The following SYNPR variants were observed in gnomAD, a reference collection of about 807,000 sequenced individuals.
SYNPR encodes synaptoporin.
A neutral mutation model predicts 32.9 loss-of-function variants in SYNPR; 23 were observed. The observed-to-expected ratio is 0.70, with a 90% CI of 0.50 to 0.99. The LOEUF (loss-of-function observed/expected upper bound fraction) is 0.99. Ranked by LOEUF, SYNPR falls within the 50% of genes least tolerant of loss-of-function variation. The pLI is 0.00. For synonymous variants in SYNPR, 146 were observed against 135.9 expected, an observed-to-expected ratio of 1.07 and a Z score of -0.52; for missense variants, 318 against 349.3, an observed-to-expected ratio of 0.91 and a Z score of 0.71.
chr3:63,302,119 A>G (rs1005211971), intron 2 of SYNPR, among the ~76,000 whole-genome samples: 1 of 152,002 alleles, frequency 6.6e-6, no homozygotes, highest in Non-Finnish European at 1.5e-5. Context: ...CCCAGTTGAA[A>G]TTTTACCCCA....
chr3:63,463,757 T>A (rs777284845), intron 2 of SYNPR, among the ~76,000 whole-genome samples: 4 of 152,104 alleles, frequency 2.6e-5, no homozygotes, highest in Non-Finnish European at 1.5e-5. Flanking sequence ...CCACAGATAC[T>A]CCTCATCTCC....
At chr3:63,534,963 G>C (rs1337556550) in intron 3 of SYNPR, among the ~76,000 whole-genome samples, 2 of 152,030 alleles carry the variant, frequency 1.3e-5, no homozygotes, top group Non-Finnish European at 2.9e-5. Context: ...TTGCCACATT[G>C]GGTATCAAAT....
At chr3:63,591,640 G>C (rs1433396501) in intron 4 of SYNPR, among the ~76,000 whole-genome samples, 2 of 138,060 alleles carry the variant, frequency 1.4e-5, no homozygotes, top group Non-Finnish European at 3.1e-5. Context: ...AAAATGATGA[G>C]TTCATGTCCT....
intron 3 of SYNPR, among the ~76,000 whole-genome samples, chr3:63,482,444 C>T (rs1701067426): frequency 6.6e-6 from 1 of 152,110 alleles, no homozygotes; most frequent in Non-Finnish European, 1.5e-5. Context: ...AAAGTTGGAG[C>T]AGGAGAAGAA....
chr3:63,296,423 T>C (rs899953510), intron 2 of SYNPR, among the ~76,000 whole-genome samples: 3 of 152,170 alleles, frequency 2.0e-5, no homozygotes, highest in African/African-American at 7.2e-5. Flanking sequence ...TGTTTGCATC[T>C]TCAAGGACCT....
At chr3:63,506,048 C>T (rs971293800) in intron 3 of SYNPR, among the ~76,000 whole-genome samples, 1 of 151,702 alleles carries the variant, frequency 6.6e-6, no homozygotes, top group African/African-American at 2.4e-5. Context: ...TACTCCTCCA[C>T]ACTTTGTTGT....
chr3:63,556,069 C>T (rs1302073488), intron 3 of SYNPR, among the ~76,000 whole-genome samples: 2 of 152,166 alleles, frequency 1.3e-5, no homozygotes, highest in East Asian at 3.8e-4. Flanking sequence ...CAGTCAACAA[C>T]AAGACCTGGA....
intron 3 of SYNPR, among the ~76,000 whole-genome samples, chr3:63,542,701 C>A (rs1256119921): frequency 6.6e-6 from 1 of 152,086 alleles, no homozygotes; most frequent in Non-Finnish European, 1.5e-5. Flanking sequence ...TCAGTACTCA[C>A]TGAGGACAGA....
chr3:63,506,284 T>C lies in SYNPR; in HGVS notation c.209+25328T>C, dbSNP rs187418198. On this transcript the variant is annotated intron_variant, in intron 3 of 5. Coordinates refer to ENST00000478300, the MANE Select transcript of SYNPR (RefSeq NM_001130003.2). ...AGTGGGAAAGGCCTAAGGTGACTGA[T>C]GGAGTACATATGCTTCTTTCCAAAT... Among the ~76,000 whole-genome samples, 194 of 152,318 alleles carry C rather than the reference T, an allele frequency of 1.3e-3. 1 individual carries two copies. Among genetic ancestry groups the C allele is most frequent in the African/African-American group, 4.1e-3 (172 of 41,564 alleles).
chr3:63,356,129 ACTTTAAATTTT>A (rs1270446889), intron 2 of SYNPR, among the ~76,000 whole-genome samples: 1 of 152,018 alleles, frequency 6.6e-6, no homozygotes, highest in Non-Finnish European at 1.5e-5. Context: ...TACTACTTAT[ACTTTAAATTTT>A]TTTTCACTGT....
chr3:63,556,578 A>G lies in SYNPR; in HGVS notation c.245A>G (p.Glu82Gly). The G allele has an allele frequency of 6.2e-7, 1 of 1,613,598 alleles. No homozygotes were observed. Among genetic ancestry groups the G allele is most frequent in the African/African-American group, 1.3e-5 (1 of 75,024 alleles). ...GTGACGTTTGAGGTGCCCACCTGCG[A>G]GGGAAAGGAACGGCAGAAGCTGGCA... is the stretch of plus-strand genomic sequence containing the variant. Reference protein sequence around the residue: ...HQVTFEVPTCEGKERQKLALI... With the variant: ...HQVTFEVPTCGGKERQKLALI... The change falls in exon 4 of 6, where the codon GAG becomes GGG. Residue 82 changes from glutamate (E) to glycine (G), a missense_variant. Coordinates refer to ENST00000478300, the MANE Select transcript of SYNPR (RefSeq NM_001130003.2).
chr3:63,445,673 C>T (rs1700264453), intron 2 of SYNPR: 1 of 551,302 alleles, frequency 1.8e-6, no homozygotes, highest in Non-Finnish European at 3.3e-6. Context: ...ATAACATTAC[C>T]TCTCCATTTT....
chr3:63,397,480 T>C (rs2088231436), intron 2 of SYNPR, among the ~76,000 whole-genome samples: 1 of 152,208 alleles, frequency 6.6e-6, no homozygotes, highest in Admixed American at 6.5e-5. Context: ...TTTTTCTCCC[T>C]AATTCCTCCT....
chr3:63,335,412 A>C (rs1342062458), intron 2 of SYNPR, among the ~76,000 whole-genome samples: 2 of 151,962 alleles, frequency 1.3e-5, no homozygotes, highest in African/African-American at 4.8e-5. Flanking sequence ...CAATAATATA[A>C]GTGTTGGGTT....
rs376594157 is a variant in SYNPR at position 63,287,535 on chromosome 3, G to A, written c.84+8793G>A. 4.5e-4 allele frequency among the ~76,000 whole-genome samples: 68 copies of A among 152,220 alleles called. 2 individuals are homozygous for A. The highest frequency in any genetic ancestry group is 1.5e-3 in the African/African-American group (63 of 41,532). ...GATCTTGTTGGTCCTGCTCATCAGC[G>A]CATTTTATGTTTCTAACACAGTGCT... On this transcript the variant is annotated intron_variant, in intron 2 of 5. Coordinates refer to ENST00000478300, the MANE Select transcript of SYNPR (RefSeq NM_001130003.2).
At chr3:63,252,051 T>C (rs1028173224) in intron 1 of SYNPR, among the ~76,000 whole-genome samples, 2 of 151,962 alleles carry the variant, frequency 1.3e-5, no homozygotes, top group South Asian at 2.1e-4. Context: ...TGGAGTATTA[T>C]GTATCTATTA....
At chr3:63,567,565 A>G (rs556407283) in intron 4 of SYNPR, among the ~76,000 whole-genome samples, 4 of 152,194 alleles carry the variant, frequency 2.6e-5, no homozygotes, top group Non-Finnish European at 5.9e-5. Flanking sequence ...GCAGCTTAAG[A>G]ATGTCTTGCT....
intron 2 of SYNPR, among the ~76,000 whole-genome samples, chr3:63,430,942 G>A (rs1417245669): frequency 1.3e-5 from 2 of 152,172 alleles, no homozygotes; most frequent in African/African-American, 4.8e-5. Context: ...ACTGAGCTGG[G>A]TTTTGAAGGA....
intron 2 of SYNPR, among the ~76,000 whole-genome samples, chr3:63,448,956 G>T (rs1700331199): frequency 6.6e-6 from 1 of 152,170 alleles, no homozygotes; most frequent in African/African-American, 2.4e-5. Flanking sequence ...CTTATTTACT[G>T]ATGTGATTAT....
Sources: allele counts gnomAD v4.1 joint callset (sites outside exome capture counted in the v4.1 genomes callset), GRCh38; gene constraint gnomAD v4.1.1; transcripts MANE v1.5; gene names NCBI Gene and HGNC (gene_info 2026-07-23, HGNC 2026-07-21).